Variants in SPOCK1 observed in about 807,000 individuals in gnomAD.
SPOCK1 encodes SPARC (osteonectin), cwcv and kazal like domains proteoglycan 1, also known as testican-1.
A neutral mutation model predicts 55.3 loss-of-function variants in SPOCK1; 23 were observed. The ratio of observed to expected loss-of-function variants is 0.42; its 90% CI spans 0.30 to 0.59. The LOEUF is 0.59. Among genes scored for constraint, SPOCK1 ranks in the 20% least tolerant of loss-of-function variants. SPOCK1 has a pLI of 0.22. For synonymous variants in SPOCK1, 226 were observed against 221.0 expected, an observed-to-expected ratio of 1.02 and a Z score of -0.20; for missense variants, 499 against 552.5, an observed-to-expected ratio of 0.90 and a Z score of 0.97.
chr5:137,031,461 T>C (rs1469544574), intron 6 of SPOCK1, among the ~76,000 whole-genome samples: 2 of 152,238 alleles, frequency 1.3e-5, no homozygotes, highest in Admixed American at 6.5e-5. Context: ...AGCTACTATA[T>C]GTTTGTAATT....
chr5:137,112,818 A>C lies in SPOCK1; in HGVS notation c.348-257T>G, dbSNP rs146636663. Among the ~76,000 whole-genome samples, 3 of 146,846 alleles carry C rather than the reference A, an allele frequency of 2.0e-5. No homozygotes were observed. In the East Asian group the frequency reaches 6.5e-4, roughly 32 times the overall value. ...AGCCATTGAAAACATGACTACTGAC[A>C]TGGGAAGATTTTTACAACACACAGA... On this transcript the variant is annotated intron_variant, in intron 4 of 10. Coordinates refer to ENST00000394945, the MANE Select transcript of SPOCK1 (RefSeq NM_004598.4).
chr5:137,178,364 T>G (rs1475073971), intron 3 of SPOCK1, among the ~76,000 whole-genome samples: 1 of 152,236 alleles, frequency 6.6e-6, no homozygotes, highest in African/African-American at 2.4e-5. Context: ...TGAGTAGCAC[T>G]GTTGGGGCAG....
At chr5:137,348,018 C>T (rs1362317077) in intron 2 of SPOCK1, among the ~76,000 whole-genome samples, 1 of 152,178 alleles carries the variant, frequency 6.6e-6, no homozygotes, top group Non-Finnish European at 1.5e-5. Flanking sequence ...ATCCAGCTCT[C>T]AGGTGATGCT....
intron 2 of SPOCK1, among the ~76,000 whole-genome samples, chr5:137,267,354 A>G (rs1561488737): frequency 1.3e-5 from 2 of 152,176 alleles, no homozygotes; most frequent in African/African-American, 4.8e-5. Flanking sequence ...TCTAGGTGCA[A>G]GGTGTATTTG....
chr5:137,292,595 G>A (rs1036140030), intron 2 of SPOCK1, among the ~76,000 whole-genome samples: 1 of 152,064 alleles, frequency 6.6e-6, no homozygotes, highest in African/African-American at 2.4e-5. Context: ...TCCCAGGACA[G>A]AACTAGTGCA....
intron 5 of SPOCK1, among the ~76,000 whole-genome samples, chr5:137,074,889 G>C (rs1374360714): frequency 6.6e-6 from 1 of 152,118 alleles, no homozygotes; most frequent in Non-Finnish European, 1.5e-5. Context: ...ATTTTTAGTA[G>C]AGACGGGGTT....
intron 3 of SPOCK1, among the ~76,000 whole-genome samples, chr5:137,194,267 G>A (rs1054554628): frequency 3.3e-5 from 5 of 152,198 alleles, no homozygotes; most frequent in African/African-American, 4.8e-5. Context: ...AGATTCAATA[G>A]CTCATCATGA....
chr5:137,286,488 C>A (rs1301958698), intron 2 of SPOCK1, among the ~76,000 whole-genome samples: 4 of 152,136 alleles, frequency 2.6e-5, no homozygotes, highest in Non-Finnish European at 5.9e-5. Flanking sequence ...ACACAGTAAC[C>A]AAGCACCCTG....
intron 6 of SPOCK1, among the ~76,000 whole-genome samples, chr5:137,006,902 A>G (rs1427504550): frequency 6.6e-6 from 1 of 152,176 alleles, no homozygotes; most frequent in Non-Finnish European, 1.5e-5. Flanking sequence ...TGCTTTTAGC[A>G]TGAAGCATTG....
intron 6 of SPOCK1, among the ~76,000 whole-genome samples, chr5:137,002,450 T>TA (rs1483335515): frequency 4.0e-5 from 6 of 149,540 alleles, no homozygotes; most frequent in African/African-American, 1.5e-4. Context: ...AAGCTTCTGA[T>TA]AAAATCCACA....
chr5:137,486,312 A>G (rs1176409925), intron 2 of SPOCK1, among the ~76,000 whole-genome samples: 1 of 152,218 alleles, frequency 6.6e-6, no homozygotes, highest in South Asian at 2.1e-4. Flanking sequence ...ATTCAGAGAC[A>G]TGGCCCTGGA....
chr5:137,012,417 T>G (rs768580654), intron 6 of SPOCK1, among the ~76,000 whole-genome samples: 15 of 152,126 alleles, frequency 9.9e-5, no homozygotes, highest in Non-Finnish European at 1.8e-4. Flanking sequence ...CCCTTTCTTC[T>G]CCCTGCCATC....
chr5:137,398,661 C>T (rs1751907996), intron 2 of SPOCK1, among the ~76,000 whole-genome samples: 2 of 152,130 alleles, frequency 1.3e-5, no homozygotes, highest in South Asian at 4.1e-4. Context: ...CTCAACAAAT[C>T]TAATTGATTC....
At chr5:137,138,850 T>C (rs995261412) in intron 4 of SPOCK1, among the ~76,000 whole-genome samples, 1 of 152,222 alleles carries the variant, frequency 6.6e-6, no homozygotes, top group Admixed American at 6.5e-5. Flanking sequence ...TGTCAATGAA[T>C]GGATGAGCAG....
At chr5:137,440,687 G>A (rs953619062) in intron 2 of SPOCK1, among the ~76,000 whole-genome samples, 8 of 152,288 alleles carry the variant, frequency 5.3e-5, no homozygotes, top group African/African-American at 1.2e-4. Context: ...AAATTGTGTC[G>A]TGATTTGGTT....
At chr5:137,123,346 C>A (rs149816830) in intron 4 of SPOCK1, among the ~76,000 whole-genome samples, 29 of 152,250 alleles carry the variant, frequency 1.9e-4, no homozygotes, top group African/African-American at 6.7e-4. Flanking sequence ...TATGCCCCAT[C>A]CGTTCCCAAA....
At chr5:137,237,332 C>T (rs1249240645) in intron 3 of SPOCK1, among the ~76,000 whole-genome samples, 3 of 152,110 alleles carry the variant, frequency 2.0e-5, no homozygotes, top group Non-Finnish European at 4.4e-5. Context: ...ACTAAGAGTG[C>T]TGGGCCCTCC....
chr5:137,437,350 G>C (rs1752887348), intron 2 of SPOCK1, among the ~76,000 whole-genome samples: 1 of 152,174 alleles, frequency 6.6e-6, no homozygotes, highest in Admixed American at 6.5e-5. Flanking sequence ...ACAGAGGTCA[G>C]CCCTGATGGA....
chr5:137,491,562 G>C (rs1754179123), intron 2 of SPOCK1, among the ~76,000 whole-genome samples: 1 of 152,098 alleles, frequency 6.6e-6, no homozygotes, highest in Non-Finnish European at 1.5e-5. Flanking sequence ...AAAGGTCTGA[G>C]GACACCAAGC....
Sources: gnomAD v4.1 joint callset for allele counts (sites outside exome capture counted in the v4.1 genomes callset) on GRCh38, gnomAD v4.1.1 for gene constraint, MANE v1.5 for transcripts, NCBI Gene and HGNC (gene_info 2026-07-23, HGNC 2026-07-21) for gene names.